Variants in FBXO4 observed in about 807,000 individuals in gnomAD.
FBXO4 encodes F-box only protein 4.
In FBXO4, 36 loss-of-function variants were observed where a neutral mutation model predicts 43.7. The ratio of observed to expected loss-of-function variants is 0.82; its 90% CI spans 0.63 to 1.09. The LOEUF (loss-of-function observed/expected upper bound fraction) is 1.09. FBXO4 is among the 50% of genes least tolerant of loss of function. The pLI, the probability that FBXO4 is intolerant of heterozygous loss-of-function variation, is 0.00. For missense variants in FBXO4, 435 were observed against 474.1 expected, an observed-to-expected ratio of 0.92 and a Z score of 0.77; for synonymous variants, 180 against 165.6, an observed-to-expected ratio of 1.09 and a Z score of -0.67.
the FBXO4 span, among the ~76,000 whole-genome samples, chr5:42,001,943 C>G: frequency 6.6e-6 from 1 of 152,124 alleles, no homozygotes; most frequent in Non-Finnish European, 1.5e-5. Flanking sequence ...GCGATCTGCT[C>G]GCTTCAGTCT....
chr5:42,006,883 T>G, the FBXO4 span, among the ~76,000 whole-genome samples: 2 of 115,168 alleles, frequency 1.7e-5, no homozygotes, highest in Non-Finnish European at 3.6e-5. Context: ...CTAAGGTTCA[T>G]GCTGATATAT....
chr5:41,926,470 G>A (rs1358433657), intron 1 of FBXO4, among the ~76,000 whole-genome samples: 1 of 152,194 alleles, frequency 6.6e-6, no homozygotes, highest in Non-Finnish European at 1.5e-5. Flanking sequence ...CTACTTGGGA[G>A]GCTGAGGCAG....
the FBXO4 span, among the ~76,000 whole-genome samples, chr5:41,998,228 A>G: frequency 6.6e-6 from 1 of 152,148 alleles, no homozygotes; most frequent in Non-Finnish European, 1.5e-5. Flanking sequence ...TCCCCATTAT[A>G]TTTAAATTTT....
At chr5:42,005,327 C>G in the FBXO4 span, among the ~76,000 whole-genome samples, 1 of 152,132 alleles carries the variant, frequency 6.6e-6, no homozygotes, top group African/African-American at 2.4e-5. Flanking sequence ...GATGGCTATA[C>G]GTGCACAGTT....
Position 41,935,184 on chromosome 5 carries a change from A to G in FBXO4, c.898+876A>G, listed in dbSNP as rs1396964105. The G allele has an allele frequency of 5.2e-6, 5 of 967,586 alleles. No individual in the cohort carries two copies. The African/African-American group carries it at 7.0e-5, about 14-fold the overall frequency. 59.9% of individuals were successfully genotyped at this position (967,586 alleles called of 1,614,324 possible). On this transcript the variant is annotated intron_variant, in intron 5 of 6. Coordinates refer to ENST00000281623, the MANE Select transcript of FBXO4 (RefSeq NM_012176.3). ...ACAGATATAGCCCCTACTTTTATCT[A>G]GTTTTCCAATCTGCTCCTATAAAAC... is the stretch of plus-strand genomic sequence containing the variant.
chr5:41,968,191 T>C, the FBXO4 span: 3 of 254,476 alleles, frequency 1.2e-5, no homozygotes, highest in Non-Finnish European at 2.4e-5. Flanking sequence ...AGCTGTTCAG[T>C]TGGTGCAAAA....
At chr5:42,030,155 C>T in the FBXO4 span, among the ~76,000 whole-genome samples, 3 of 152,210 alleles carry the variant, frequency 2.0e-5, no homozygotes, top group East Asian at 5.8e-4. Context: ...CCAAGTCAAT[C>T]CTAAGCCAAA....
the FBXO4 span, among the ~76,000 whole-genome samples, chr5:41,977,344 G>C: frequency 6.6e-6 from 1 of 152,128 alleles, no homozygotes; most frequent in African/African-American, 2.4e-5. Context: ...AAATTTTCCA[G>C]AGTTTTACAC....
At chr5:41,949,624 A>C in the FBXO4 span, among the ~76,000 whole-genome samples, 4 of 152,254 alleles carry the variant, frequency 2.6e-5, no homozygotes, top group Non-Finnish European at 5.9e-5. Flanking sequence ...AATATCGTGA[A>C]AATGGCCATA....
the FBXO4 span, among the ~76,000 whole-genome samples, chr5:42,024,542 A>G: frequency 6.6e-6 from 1 of 152,090 alleles, no homozygotes; most frequent in African/African-American, 2.4e-5. Context: ...TCAAGCATTT[A>G]TCCTTTGTGT....
At chr5:42,015,484 C>T in the FBXO4 span, among the ~76,000 whole-genome samples, 2 of 152,128 alleles carry the variant, frequency 1.3e-5, no homozygotes, top group East Asian at 1.9e-4. Flanking sequence ...GATCACATGC[C>T]TTCAGGCTAG....
chr5:41,962,373 C>G, the FBXO4 span, among the ~76,000 whole-genome samples: 13 of 152,082 alleles, frequency 8.5e-5, no homozygotes, highest in African/African-American at 2.9e-4. Context: ...TAGCTTCCAC[C>G]AAAATCAACC....
the FBXO4 span, among the ~76,000 whole-genome samples, chr5:41,964,433 A>G: frequency 6.6e-6 from 1 of 152,156 alleles, no homozygotes; most frequent in Non-Finnish European, 1.5e-5. Flanking sequence ...ACCTTTAATC[A>G]GAAAGTCTGA....
Position 41,934,465 on chromosome 5 carries a change from T to C in FBXO4, c.898+157T>C. 5.5e-6 allele frequency: 8 copies of C among 1,467,120 alleles called. No homozygotes were observed. In the East Asian group the frequency reaches 1.7e-4, roughly 32 times the overall value. The allele number at this position is 1,467,120 out of a possible 1,614,324, so 90.9% of individuals were successfully genotyped here. Reference sequence around the variant, plus strand: ...CTATTAATAGTGTGTTCTCACACTTTTGTGTGTATTAGGATCACCTGGGAA... The same window carrying C: ...CTATTAATAGTGTGTTCTCACACTTCTGTGTGTATTAGGATCACCTGGGAA... On this transcript the variant is annotated intron_variant, in intron 5 of 6. Coordinates refer to ENST00000281623, the MANE Select transcript of FBXO4 (RefSeq NM_012176.3).
chr5:41,929,957 G>C (rs1482961106), intron 3 of FBXO4, 40 bp downstream of exon 3: 1 of 1,384,666 alleles, frequency 7.2e-7, no homozygotes, highest in South Asian at 1.3e-5. Flanking sequence ...CAAACACTTT[G>C]AGCTTGACAT....
the FBXO4 span, among the ~76,000 whole-genome samples, chr5:42,017,170 A>C: frequency 6.6e-6 from 1 of 152,212 alleles, no homozygotes; most frequent in African/African-American, 2.4e-5. Context: ...CATACTAAGA[A>C]TAAATAAATA....
chr5:41,999,013 C>T, the FBXO4 span, among the ~76,000 whole-genome samples: 2 of 150,186 alleles, frequency 1.3e-5, no homozygotes. Flanking sequence ...CCTTGGTTCA[C>T]ATATGGTCCA....
chr5:42,009,174 G>A, the FBXO4 span, among the ~76,000 whole-genome samples: 1 of 152,098 alleles, frequency 6.6e-6, no homozygotes. Context: ...GTATTTCTAA[G>A]CACTAACACC....
the FBXO4 span, among the ~76,000 whole-genome samples, chr5:42,002,327 A>C: frequency 6.6e-6 from 1 of 152,212 alleles, no homozygotes; most frequent in Non-Finnish European, 1.5e-5. Flanking sequence ...CCTGCCGCAC[A>C]ATGAGCACCA....
Sources: gnomAD v4.1 joint callset for allele counts (sites outside exome capture counted in the v4.1 genomes callset) on GRCh38, gnomAD v4.1.1 for gene constraint, MANE v1.5 for transcripts, NCBI Gene and HGNC (gene_info 2026-07-23, HGNC 2026-07-21) for gene names.